The following SLCO4A1 variants were observed in gnomAD, a reference collection of about 807,000 sequenced individuals.
SLCO4A1 encodes colon organic anion transporter.
SLCO4A1 carries 51 observed loss-of-function variants against 64.6 expected under a neutral mutation model. The observed-to-expected ratio is 0.79, with a 90% CI of 0.63 to 1.00. The LOEUF (loss-of-function observed/expected upper bound fraction) is 1.00. SLCO4A1 is among the 50% of genes least tolerant of loss of function. The pLI is 0.00. For missense variants in SLCO4A1, 919 were observed against 980.5 expected (o/e 0.94, Z 0.84); for synonymous variants, 471 against 444.9 (o/e 1.06, Z -0.74).
downstream of SLCO4A1, among the ~76,000 whole-genome samples, chr20:62,673,164 T>TG (rs1165675450): frequency 7.1e-4 from 96 of 134,966 alleles, 14 homozygotes; most frequent in South Asian, 2.8e-3. Context: ...GGGAGGGGCA[T>TG]GGGGGGGGCA....
At chr20:62,676,227 C>T (rs1729689126), downstream of SLCO4A1, among the ~76,000 whole-genome samples, 1 of 152,054 alleles carries the variant, frequency 6.6e-6, no homozygotes, top group Non-Finnish European at 1.5e-5. Flanking sequence ...CCAAACTGGG[C>T]AACGTAGCGA....
chr20:62,684,664 CA>C (rs1987986248), intron 2 of SLCO4A1, among the ~76,000 whole-genome samples: 1 of 152,110 alleles, frequency 6.6e-6, no homozygotes. Flanking sequence ...GACACGAGCT[CA>C]TTCATCCCCC....
intron 5 of SLCO4A1, among the ~76,000 whole-genome samples, chr20:62,662,734 C>A (rs1247014776): frequency 6.7e-6 from 1 of 149,236 alleles, no homozygotes; most frequent in Non-Finnish European, 1.5e-5. Context: ...AGGGTGCCCA[C>A]CCCAGCCCCA....
rs566435195 is a variant in SLCO4A1, at chr20:62,644,154, T to C, written c.-97+1601T>C. On this transcript the variant is annotated intron_variant, in intron 1 of 11. Transcript: ENST00000217159. The surrounding 1 kb of genome is among the most constrained non-coding windows in gnomAD (Gnocchi z 5.4). Reference sequence around the variant, plus strand: ...GTTGTCAGTGATCGCAGGACACCAGTAGGATGTTGCTCGGGCCGAGACCAC... The same window carrying C: ...GTTGTCAGTGATCGCAGGACACCAGCAGGATGTTGCTCGGGCCGAGACCAC... 4.4e-4 allele frequency among the ~76,000 whole-genome samples: 67 copies of C among 152,080 alleles called. No individual in the cohort carries two copies. The highest frequency in any genetic ancestry group is 1.3e-3 in the African/African-American group (54 of 41,486).
At chr20:62,666,904 G>A (rs886206484) in intron 7 of SLCO4A1, among the ~76,000 whole-genome samples, 1 of 152,132 alleles carries the variant, frequency 6.6e-6, no homozygotes, top group Non-Finnish European at 1.5e-5. Flanking sequence ...CTGGTCTCTC[G>A]GTGACATAAA....
chr20:62,653,565 C>T (rs1983029947), intron 1 of SLCO4A1, among the ~76,000 whole-genome samples: 1 of 152,208 alleles, frequency 6.6e-6, no homozygotes, highest in Non-Finnish European at 1.5e-5. Flanking sequence ...CCCTCGCAGC[C>T]CCATGGCGGA....
downstream of SLCO4A1, among the ~76,000 whole-genome samples, chr20:62,676,277 G>A (rs550182130): frequency 3.3e-5 from 5 of 152,124 alleles, no homozygotes; most frequent in South Asian, 2.1e-4. Context: ...AACATTAGCC[G>A]GGCATGGTGG....
At chr20:62,660,306 A>C (rs1448983357) in intron 3 of SLCO4A1, 106 bp from the exon 4 acceptor site, 1 of 1,362,412 alleles carries the variant, frequency 7.3e-7, no homozygotes, top group African/African-American at 1.5e-5. Flanking sequence ...GTGCAGACAG[A>C]CCCTGGAGGT....
intron 3 of SLCO4A1, 82 bp from the exon 4 acceptor site, chr20:62,660,330 G>T: frequency 6.5e-7 from 1 of 1,529,164 alleles, no homozygotes; most frequent in South Asian, 1.2e-5. Flanking sequence ...CCCGGAGGAG[G>T]GGCCAGCAGC....
In SLCO4A1 at chr20:62,664,347, AG is replaced by A. The variant is rs1985670681; in HGVS notation, c.1122-586del. On this transcript the variant is annotated intron_variant, in intron 5 of 11. Coordinates refer to ENST00000217159, the MANE Select transcript of SLCO4A1 (RefSeq NM_016354.4). ...TTCTTGCATGGAGGGTTCGAATCCC[AG>A]TGGCTTCCTGCCCCACTTCTCCCAG... 2.6e-5 allele frequency among the ~76,000 whole-genome samples: 4 copies of A among 152,278 alleles called. No individual in the cohort carries two copies. In the South Asian group the frequency reaches 6.2e-4, roughly 24 times the overall value.
chr20:62,690,489 C>G (rs113678579), downstream of SLCO4A1, among the ~76,000 whole-genome samples: 96 of 152,342 alleles, frequency 6.3e-4, no homozygotes, highest in African/African-American at 2.2e-3. Flanking sequence ...AGCCGCAGGC[C>G]AGAGCCCTGG....
downstream of SLCO4A1, among the ~76,000 whole-genome samples, chr20:62,687,717 C>T (rs1988112293): frequency 6.6e-6 from 1 of 152,320 alleles, no homozygotes; most frequent in Non-Finnish European, 1.5e-5. Context: ...GGGGCCGCTC[C>T]TGGACACGGA....
At chr20:62,673,376 G>T (rs1258267477), downstream of SLCO4A1, among the ~76,000 whole-genome samples, 1 of 143,334 alleles carries the variant, frequency 7.0e-6, no homozygotes, top group Non-Finnish European at 1.6e-5. Context: ...TTCATCAGGA[G>T]TCCGGTTCAT....
intron 1 of SLCO4A1, among the ~76,000 whole-genome samples, chr20:62,646,812 T>C (rs1981419407): frequency 6.6e-6 from 1 of 152,268 alleles, no homozygotes; most frequent in South Asian, 2.1e-4. Flanking sequence ...TTCTCAAACA[T>C]GCCCTTGAAT....
In SLCO4A1 at chr20:62,667,742, C is replaced by G; in HGVS notation, c.1473-3C>G. 1 of 1,605,194 alleles carries G rather than the reference C, an allele frequency of 6.2e-7. No homozygotes were observed. Among genetic ancestry groups the G allele is most frequent in the Non-Finnish European group, 8.5e-7 (1 of 1,175,602 alleles). On this transcript the variant is annotated splice_polypyrimidine_tract_variant and splice_region_variant and intron_variant, in intron 7 of 11. Transcript: ENST00000217159. ...CTACCACTCGCTTGTCCCCCCTCTG[C>G]AGCCTCCTGCCCGAAGGCCACCTGA...
intron 1 of SLCO4A1, chr20:62,642,901 C>G: frequency 2.4e-6 from 1 of 416,804 alleles, no homozygotes. Flanking sequence ...GTCGGAGTGG[C>G]CGGGGCAGGT....
chr20:62,685,491 A>G lies in SLCO4A1; in HGVS notation n.262A>G, dbSNP rs1034612628. On this transcript the variant is annotated non_coding_transcript_exon_variant, in exon 3 of 3. Transcript: ENST00000466818. This position sits in a 1 kb window ranked among gnomAD's most constrained non-coding sequence, Gnocchi z 4.6. The stretch of plus-strand genomic sequence containing the variant: ...TGTAAACCCCATCTGAGCCTTACAC[A>G]TAGATCTCCTTGAATTGGATTTTCA... 8 of 974,370 alleles carry G rather than the reference A, an allele frequency of 8.2e-6. No homozygotes were observed. The South Asian group carries it at 3.3e-4, about 40-fold the overall frequency. 60.4% of individuals were successfully genotyped at this position (974,370 alleles called of 1,614,324 possible).
rs1426218060 is a variant in SLCO4A1, at chr20:62,656,597, C to T, written c.143C>T (p.Ala48Val). 1.9e-6 allele frequency: 3 copies of T among 1,597,336 alleles called. No homozygotes were observed. The highest frequency in any genetic ancestry group is 1.7e-5 in the Admixed American group (1 of 58,942). The part of the protein sequence containing the change: ...PLSPGSLRSA[A>V]HSPLDTSKQP... ...AGCCCCGGCTCCCTCCGCTCCGCTG[C>T]CCATAGCCCCCTGGACACCAGCAAG... The change falls in exon 2 of 12, where the codon GCC (alanine) becomes GTC (valine). Residue 48 changes from alanine to valine, a missense_variant. Transcript: ENST00000217159.
chr20:62,651,419 G>A (rs1038604979), intron 1 of SLCO4A1: 1 of 152,248 alleles, frequency 6.6e-6, no homozygotes, highest in Non-Finnish European at 1.5e-5. Flanking sequence ...ACGTCAGAAC[G>A]AGGCCCCAAC....
Sources: gnomAD v4.1 joint callset for allele counts (sites outside exome capture counted in the v4.1 genomes callset) on GRCh38, gnomAD v4.1.1 for gene constraint, Gnocchi (gnomAD v3.1) non-coding constraint, MANE v1.5 for transcripts, NCBI Gene and HGNC (gene_info 2026-07-23, HGNC 2026-07-21) for gene names.